Variants in FBXL22 observed in about 807,000 individuals in gnomAD.
FBXL22 encodes the protein F-box and leucine rich repeat protein 22.
FBXL22 carries 13 observed loss-of-function variants against 11.7 expected under a neutral mutation model. That is an observed-to-expected ratio of 1.11 (90% CI 0.73 to 1.77). FBXL22 has a LOEUF of 1.77. Among genes scored for constraint, FBXL22 ranks in the 40% most tolerant of loss-of-function variants. FBXL22 has a pLI of 0.00. For synonymous variants in FBXL22, 160 were observed against 144.1 expected (o/e 1.11, Z -0.79); for missense variants, 406 against 320.4 (o/e 1.27, Z -2.04).
chr15:63,597,860 A>C lies in FBXL22; in HGVS notation c.353+115A>C, dbSNP rs1333663164. ...ATGGCTCCACCTTCGGGGCGCCTCA[A>C]ACTAGGCCCAAGGCAGACATCCAGA... On this transcript the variant is annotated intron_variant, in intron 1 of 1. Coordinates refer to ENST00000638704, the MANE Select transcript of FBXL22 (RefSeq NM_001367807.1). This position sits in a 1 kb window ranked among gnomAD's most constrained non-coding sequence, Gnocchi z 4.3. 4.1e-6 allele frequency: 4 copies of C among 975,296 alleles called. No homozygotes were observed. In the African/African-American group the frequency reaches 6.6e-5, roughly 16 times the overall value. The allele number at this position is 975,296 out of a possible 1,614,324, so 60.4% of individuals were successfully genotyped here.
Position 63,597,404 on chromosome 15 carries a change from G to A in FBXL22, c.12G>A (p.Leu4=). Residue 4 remains leucine, a synonymous_variant, in exon 1 of 2, where the codon CTG becomes CTA. Coordinates refer to ENST00000638704, the MANE Select transcript of FBXL22 (RefSeq NM_001367807.1). This position sits in a 1 kb window ranked among gnomAD's most constrained non-coding sequence, Gnocchi z 4.3. Reference sequence around the variant, plus strand: ...GCAGCTGCACTCACATGTGGCCACTGCTCACCATGCACATAACCCAGCTCA... The same window carrying A: ...GCAGCTGCACTCACATGTGGCCACTACTCACCATGCACATAACCCAGCTCA... MWP[L]LTMHITQLNR... 6.2e-7 allele frequency: 1 copy of A among 1,608,846 alleles called. No individual in the cohort carries two copies. Among genetic ancestry groups the A allele is most frequent in the Non-Finnish European group, 8.5e-7 (1 of 1,176,816 alleles).
downstream of FBXL22, chr15:63,601,776 G>A: frequency 2.8e-6 from 4 of 1,410,174 alleles, no homozygotes; most frequent in Non-Finnish European, 3.7e-6. Flanking sequence ...GTTCTCATAA[G>A]GGAAAAAGAA....
rs1345592169 is a variant in FBXL22, at chr15:63,597,711, C to T, written c.319C>T (p.Leu107=). 2 of 1,595,760 alleles carry T rather than the reference C, an allele frequency of 1.3e-6. No individual in the cohort carries two copies. Among genetic ancestry groups the T allele is most frequent in the East Asian group, 2.2e-5 (1 of 44,464 alleles). ...AAGCATCTGCAGCCGGCACGAGAGC[C>T]TGGTCAATGATTTCCTCCTCCGGGT... ...QRSICSRHES[L]VNDFLLRVCD... is the part of the protein sequence containing the mutation. Residue 107 remains leucine, a synonymous_variant, in exon 1 of 2, where the codon CTG becomes TTG. Transcript: ENST00000638704. The surrounding 1 kb of genome is among the most constrained non-coding windows in gnomAD (Gnocchi z 4.3).
chr15:63,604,476 T>C (rs532471166), downstream of FBXL22, among the ~76,000 whole-genome samples: 84 of 152,236 alleles, frequency 5.5e-4, no homozygotes, highest in African/African-American at 1.3e-3. Flanking sequence ...GGGACCCAAA[T>C]TGGCCCCCAC....
At position 63,600,964 on chromosome 15, in the gene FBXL22, C is replaced by A. The variant is rs754992573; in HGVS notation, c.621C>A (p.Ser207Arg). Reference sequence around the variant, plus strand: ...GCCTGGCCCTGCGGGCAGAGCACAGCGCCGCCATGCTGCCCGACCAGCCCC... The same window carrying A: ...GCCTGGCCCTGCGGGCAGAGCACAGAGCCGCCATGCTGCCCGACCAGCCCC... ...CPRLALRAEH[S>R]AAMLPDQPPR... The change falls in exon 2 of 2, where the codon AGC becomes AGA. Residue 207 changes from serine (S) to arginine (R), a missense_variant. By Grantham distance (110) the Ser-to-Arg change is moderately radical. Transcript: ENST00000638704. 190 of 1,193,562 alleles carry A rather than the reference C, an allele frequency of 1.6e-4. 1 individual carries two copies. The highest frequency in any genetic ancestry group is 1.9e-4 in the Non-Finnish European group (182 of 963,468). The allele number at this position is 1,193,562 out of a possible 1,614,324, so 73.9% of individuals were successfully genotyped here.
chr15:63,601,292 C>A, downstream of FBXL22: 1 of 1,574,942 alleles, frequency 6.3e-7, no homozygotes, highest in Non-Finnish European at 8.6e-7. Flanking sequence ...TGCTTCCGCC[C>A]CAGGCTTTCT....
chr15:63,597,816 A>G lies in FBXL22; in HGVS notation c.353+71A>G. On this transcript the variant is annotated intron_variant, in intron 1 of 1. Transcript: ENST00000638704. This position sits in a 1 kb window ranked among gnomAD's most constrained non-coding sequence, Gnocchi z 4.3. ...GCTTCCCTCTTGGGGGGCAGGGAAG[A>G]GCAAATTACGAGACCAAGATGGCTC... The G allele has an allele frequency of 1.4e-6, 2 of 1,421,858 alleles. No individual in the cohort carries two copies. The highest frequency in any genetic ancestry group is 2.1e-4 in the Middle Eastern group (1 of 4,774). The allele number at this position is 1,421,858 out of a possible 1,614,324, so 88.1% of individuals were successfully genotyped here.
At chr15:63,600,430 G>C (rs1280125167) in intron 1 of FBXL22, 5 of 1,195,826 alleles carry the variant, frequency 4.2e-6, no homozygotes, top group Non-Finnish European at 5.2e-6. Flanking sequence ...CTGCTGGGCC[G>C]GGGTCGGGGC....
chr15:63,601,788 T>G, downstream of FBXL22: 2 of 1,374,278 alleles, frequency 1.5e-6, no homozygotes, highest in East Asian at 2.8e-5. Context: ...GAAAAAGAAA[T>G]GATTTGGAAG....
chr15:63,599,663 C>G (rs1461912914), intron 1 of FBXL22: 1 of 988,186 alleles, frequency 1.0e-6, no homozygotes. Flanking sequence ...AGGAGCCGAG[C>G]TGGCACAGCC....
At chr15:63,599,191 T>C (rs1195810158) in intron 1 of FBXL22, 4 of 1,535,350 alleles carry the variant, frequency 2.6e-6, no homozygotes, top group East Asian at 2.4e-5. Context: ...ACCTGGCACA[T>C]AGTAGGTACT....
At chr15:63,607,484 G>A in the FBXL22 span, among the ~76,000 whole-genome samples, 4 of 152,226 alleles carry the variant, frequency 2.6e-5, no homozygotes, top group African/African-American at 9.7e-5. Context: ...AACTCCTGGG[G>A]TTCCCCCCAA....
At chr15:63,600,010 C>T (rs1028907463) in intron 1 of FBXL22, 2 of 985,908 alleles carry the variant, frequency 2.0e-6, no homozygotes, top group Middle Eastern at 5.2e-4. Context: ...GAGGCTGCAG[C>T]AGAGGGTCCC....
At chr15:63,607,482 G>C in the FBXL22 span, among the ~76,000 whole-genome samples, 5 of 152,172 alleles carry the variant, frequency 3.3e-5, no homozygotes, top group Non-Finnish European at 5.9e-5. Flanking sequence ...AGAACTCCTG[G>C]GGTTCCCCCC....
chr15:63,601,384 T>A, downstream of FBXL22: 2 of 1,604,174 alleles, frequency 1.2e-6, no homozygotes, highest in Non-Finnish European at 1.7e-6. Context: ...ATCACCTCGG[T>A]GGGGAGGACC....
chr15:63,605,141 T>G (rs1052889095), downstream of FBXL22, among the ~76,000 whole-genome samples: 1 of 152,226 alleles, frequency 6.6e-6, no homozygotes, highest in East Asian at 1.9e-4. Flanking sequence ...GCAGACTTAA[T>G]TAATCCACCA....
intron 1 of FBXL22, chr15:63,599,927 C>G (rs1258316718): frequency 1.0e-6 from 1 of 985,482 alleles, no homozygotes; most frequent in Non-Finnish European, 1.2e-6. Context: ...ATGAAGGCTC[C>G]GTGAGTGACT....
intron 1 of FBXL22, among the ~76,000 whole-genome samples, chr15:63,598,759 G>T (rs548097441): frequency 9.8e-5 from 15 of 152,340 alleles, no homozygotes; most frequent in South Asian, 4.1e-4. Flanking sequence ...CTTTTGAGCT[G>T]GTAGGAAGAA....
downstream of FBXL22, among the ~76,000 whole-genome samples, chr15:63,603,007 T>TA (rs569912904): frequency 5.3e-5 from 8 of 152,222 alleles, no homozygotes; most frequent in Admixed American, 3.3e-4. Context: ...AGCCTTAAAA[T>TA]AGACTCCACG....
Sources: gnomAD v4.1 joint callset for allele counts (sites outside exome capture counted in the v4.1 genomes callset) on GRCh38, gnomAD v4.1.1 for gene constraint, Gnocchi (gnomAD v3.1) non-coding constraint, MANE v1.5 for transcripts, NCBI Gene and HGNC (gene_info 2026-07-23, HGNC 2026-07-21) for gene names.